Variants in SPIDR observed in about 807,000 individuals in gnomAD.
The protein encoded by SPIDR is DNA repair-scaffolding protein.
Under a neutral mutation model 104.6 loss-of-function variants are expected in SPIDR, and 93 were observed. That is an observed-to-expected ratio of 0.89 (90% confidence interval 0.75 to 1.06). The LOEUF is 1.06. Ranked by LOEUF, SPIDR falls within the 50% of genes least tolerant of loss-of-function variation. SPIDR has a pLI of 0.00. For missense variants in SPIDR, 1,154 were observed against 1,111.2 expected (o/e 1.04, Z -0.55); for synonymous variants, 431 against 416.9 (o/e 1.03, Z -0.41).
intron 12 of SPIDR, among the ~76,000 whole-genome samples, chr8:47,700,718 AT>A (rs1349897066): frequency 6.6e-6 from 1 of 152,184 alleles, no homozygotes; most frequent in Admixed American, 6.5e-5. Flanking sequence ...GCTGCACAGC[AT>A]TTTCTTGAAG....
intron 11 of SPIDR, among the ~76,000 whole-genome samples, chr8:47,685,875 G>T (rs2077743092): frequency 6.6e-6 from 1 of 150,694 alleles, no homozygotes; most frequent in Admixed American, 6.6e-5. Flanking sequence ...ATAGAAATCT[G>T]TTCAGGCACG....
intron 8 of SPIDR, among the ~76,000 whole-genome samples, chr8:47,586,914 A>G (rs374621096): frequency 3.0e-4 from 45 of 152,196 alleles, no homozygotes; most frequent in African/African-American, 1.1e-3. Context: ...AACTACAGGC[A>G]CGTGCCAGCA....
intron 6 of SPIDR, among the ~76,000 whole-genome samples, chr8:47,400,679 T>TTC (rs1554661961): frequency 9.9e-5 from 4 of 40,352 alleles, no homozygotes; most frequent in Non-Finnish European, 4.1e-4. Flanking sequence ...CTTTCTTTCT[T>TTC]TTTTTTTTTT....
intron 1 of SPIDR, among the ~76,000 whole-genome samples, chr8:47,275,992 G>A (rs1333257672): frequency 1.3e-5 from 2 of 152,128 alleles, no homozygotes; most frequent in Non-Finnish European, 2.9e-5. Context: ...GAGTAGCTGG[G>A]ACTACAGGAA....
chr8:47,503,975 T>C (rs1231593106), intron 8 of SPIDR, among the ~76,000 whole-genome samples: 1 of 152,252 alleles, frequency 6.6e-6, no homozygotes, highest in Non-Finnish European at 1.5e-5. Flanking sequence ...CACTCTCTTC[T>C]GGCTTGTAGA....
chr8:47,415,298 A>G (rs1554674513), intron 7 of SPIDR, among the ~76,000 whole-genome samples: 1 of 152,156 alleles, frequency 6.6e-6, no homozygotes. Context: ...CCATGCCCCC[A>G]GTTTCCCCCG....
intron 8 of SPIDR, among the ~76,000 whole-genome samples, chr8:47,553,245 G>A (rs1045660357): frequency 6.6e-6 from 1 of 152,064 alleles, no homozygotes; most frequent in Non-Finnish European, 1.5e-5. Flanking sequence ...GTGTCTTGGG[G>A]TTGCTCTTCT....
intron 8 of SPIDR, among the ~76,000 whole-genome samples, chr8:47,572,188 A>G (rs989625326): frequency 4.6e-5 from 7 of 152,182 alleles, no homozygotes; most frequent in African/African-American, 1.2e-4. Context: ...TGAATGTCAT[A>G]TCAATAATCT....
chr8:47,480,962 G>A (rs1432336848), intron 8 of SPIDR, among the ~76,000 whole-genome samples: 1 of 152,168 alleles, frequency 6.6e-6, no homozygotes, highest in Non-Finnish European at 1.5e-5. Context: ...TGTTATGAAA[G>A]CAAAAAGAGA....
chr8:47,270,955 A>C (rs1277962253), intron 1 of SPIDR, among the ~76,000 whole-genome samples: 1 of 152,164 alleles, frequency 6.6e-6, no homozygotes, highest in Non-Finnish European at 1.5e-5. Context: ...AATTTATCGA[A>C]GCTTGAGTTA....
intron 14 of SPIDR, among the ~76,000 whole-genome samples, chr8:47,703,460 T>G (rs546411556): frequency 2.0e-5 from 3 of 152,342 alleles, no homozygotes; most frequent in Admixed American, 2.0e-4. Flanking sequence ...GCAGACTGTT[T>G]CTGTAAAGAG....
chr8:47,606,915 A>G (rs757658776), intron 10 of SPIDR, among the ~76,000 whole-genome samples: 1 of 152,186 alleles, frequency 6.6e-6, no homozygotes, highest in Non-Finnish European at 1.5e-5. Context: ...TAACGGTGGC[A>G]TATGCCTGTC....
chr8:47,553,519 C>A (rs2090888065), intron 8 of SPIDR, among the ~76,000 whole-genome samples: 2 of 152,224 alleles, frequency 1.3e-5, no homozygotes, highest in Non-Finnish European at 2.9e-5. Context: ...GATACCCTTT[C>A]TTCCAGTTGA....
At chr8:47,621,499 T>C (rs1310848247) in intron 10 of SPIDR, among the ~76,000 whole-genome samples, 1 of 152,228 alleles carries the variant, frequency 6.6e-6, no homozygotes, top group African/African-American at 2.4e-5. Context: ...TTCTGTCTTA[T>C]TGTGCGCGCC....
At chr8:47,423,366 G>A (rs1457955070) in intron 7 of SPIDR, among the ~76,000 whole-genome samples, 2 of 151,902 alleles carry the variant, frequency 1.3e-5, no homozygotes, top group Non-Finnish European at 2.9e-5. Context: ...CAGCACTTTG[G>A]GAGGCTGAGG....
At chr8:47,279,092 G>T (rs1323849896) in intron 1 of SPIDR, among the ~76,000 whole-genome samples, 1 of 149,190 alleles carries the variant, frequency 6.7e-6, no homozygotes, top group African/African-American at 2.5e-5. Flanking sequence ...ATGGGGTCTT[G>T]CTATGTTGCC....
chr8:47,681,558 A>C (rs2077103338), intron 11 of SPIDR, among the ~76,000 whole-genome samples: 1 of 152,220 alleles, frequency 6.6e-6, no homozygotes, highest in Non-Finnish European at 1.5e-5. Flanking sequence ...GTCTAATCCA[A>C]GATTAATAGA....
At chr8:47,461,844 A>C (rs1356374943) in intron 8 of SPIDR, among the ~76,000 whole-genome samples, 1 of 150,998 alleles carries the variant, frequency 6.6e-6, no homozygotes, top group East Asian at 2.0e-4. Flanking sequence ...ATTTCCTTAA[A>C]TTGGACTTTA....
intron 10 of SPIDR, among the ~76,000 whole-genome samples, chr8:47,641,344 T>G (rs2068949890): frequency 6.6e-6 from 1 of 152,078 alleles, no homozygotes; most frequent in Non-Finnish European, 1.5e-5. Flanking sequence ...AATTTTGACT[T>G]TTCTCTGTAC....
Sources: allele counts gnomAD v4.1 joint callset (sites outside exome capture counted in the v4.1 genomes callset), GRCh38; gene constraint gnomAD v4.1.1; transcripts MANE v1.5; gene names NCBI Gene and HGNC (gene_info 2026-07-23, HGNC 2026-07-21).